Variants in LPIN1 observed in about 807,000 individuals in gnomAD.
LPIN1 encodes the protein phosphatidate phosphatase LPIN1.
A neutral mutation model predicts 107.5 loss-of-function variants in LPIN1; 71 were observed. The ratio of observed to expected loss-of-function variants is 0.66; its 90% CI spans 0.55 to 0.80. The LOEUF (loss-of-function observed/expected upper bound fraction) is 0.80, where lower values mean the gene tolerates loss of function less well. Ranked by LOEUF, LPIN1 falls within the 30% of genes least tolerant of loss-of-function variation. LPIN1 has a pLI of 0.00. For missense variants in LPIN1, 1,043 were observed against 1,160.6 expected, an observed-to-expected ratio of 0.90 and a Z score of 1.47; for synonymous variants, 445 against 452.6, an observed-to-expected ratio of 0.98 and a Z score of 0.21.
chr2:11,706,960 C>A (rs187522364), intron 1 of LPIN1, among the ~76,000 whole-genome samples: 167 of 152,254 alleles, frequency 1.1e-3, no homozygotes, highest in African/African-American at 3.8e-3. Context: ...AGAGCTCTTC[C>A]TCCCAGTTCT....
chr2:11,776,995 G>A (rs1019749872), intron 6 of LPIN1, among the ~76,000 whole-genome samples: 8 of 152,214 alleles, frequency 5.3e-5, no homozygotes, highest in African/African-American at 1.9e-4. Flanking sequence ...GTTGTTAATA[G>A]TTAAAACTAA....
chr2:11,746,841 A>G (rs1373495960), intron 1 of LPIN1, among the ~76,000 whole-genome samples, 170 bp downstream of exon 1: 1 of 146,228 alleles, frequency 6.8e-6, no homozygotes, highest in Non-Finnish European at 1.5e-5. Context: ...CTCTACGGGA[A>G]GTGGTTCGGG....
intron 1 of LPIN1, among the ~76,000 whole-genome samples, chr2:11,728,538 C>T (rs1377734984): frequency 6.6e-6 from 1 of 152,066 alleles, no homozygotes; most frequent in Non-Finnish European, 1.5e-5. Flanking sequence ...ATGCATGCCA[C>T]CCCACCCAGC....
intron 3 of LPIN1, 68 bp downstream of exon 3, chr2:11,767,926 AC>A: frequency 9.8e-7 from 1 of 1,015,744 alleles, no homozygotes; most frequent in Non-Finnish European, 1.6e-6. Flanking sequence ...ATCTGGAAAC[AC>A]GGCAGAAGTT....
Position 11,819,178 on chromosome 2 carries a change from C to T in LPIN1, c.2403-306C>T, listed in dbSNP as rs115903584. On this transcript the variant is annotated intron_variant, in intron 18 of 20. Coordinates refer to ENST00000674199, the MANE Select transcript of LPIN1 (RefSeq NM_001349206.2). ...GTTTTGTTTTTAAGGTTATGCTAGC[C>T]TCATCGAATTAATTTGGAGATGTTC... 2,197 of 347,276 alleles carry T rather than the reference C, an allele frequency of 6.3e-3. 57 individuals are homozygous for T. The highest frequency in any genetic ancestry group is 0.043 in the African/African-American group (2,021 of 46,812). The allele number at this position is 347,276 out of a possible 1,614,324, so 21.5% of individuals were successfully genotyped here.
intron 2 of LPIN1, among the ~76,000 whole-genome samples, chr2:11,714,369 G>T (rs181160637): frequency 1.3e-5 from 2 of 152,102 alleles, no homozygotes; most frequent in Non-Finnish European, 2.9e-5. Flanking sequence ...GTCTGCCCCC[G>T]AGGCTGTCTT....
intron 1 of LPIN1, among the ~76,000 whole-genome samples, chr2:11,735,113 G>T (rs1018732062): frequency 6.6e-6 from 1 of 151,990 alleles, no homozygotes; most frequent in African/African-American, 2.4e-5. Flanking sequence ...CCAACACGGT[G>T]AAACCCCGTC....
chr2:11,691,086 T>TTTG, intron 1 of LPIN1, among the ~76,000 whole-genome samples: 1 of 149,476 alleles, frequency 6.7e-6, no homozygotes, highest in African/African-American at 2.5e-5. Context: ...TTGTTGTGGT[T>TTTG]TTTTTTTTTT....
intron 2 of LPIN1, among the ~76,000 whole-genome samples, chr2:11,766,858 G>C (rs1227043660): frequency 6.6e-6 from 1 of 152,176 alleles, no homozygotes; most frequent in Non-Finnish European, 1.5e-5. Context: ...GCTGGTTTCT[G>C]TTTGGCCCTT....
chr2:11,680,485 G>T (rs960467613), intron 1 of LPIN1, among the ~76,000 whole-genome samples: 2 of 152,134 alleles, frequency 1.3e-5, no homozygotes, highest in African/African-American at 4.8e-5. Flanking sequence ...GGAGGTCAAG[G>T]TGGAATGGGA....
At chr2:11,740,145 C>A (rs1028705344) in intron 1 of LPIN1, among the ~76,000 whole-genome samples, 1 of 152,130 alleles carries the variant, frequency 6.6e-6, no homozygotes, top group Non-Finnish European at 1.5e-5. Flanking sequence ...GATGTCCAAG[C>A]GCGGGAGAAG....
intron 2 of LPIN1, among the ~76,000 whole-genome samples, chr2:11,766,846 G>A (rs1297822329): frequency 6.6e-6 from 1 of 152,202 alleles, no homozygotes; most frequent in Non-Finnish European, 1.5e-5. Flanking sequence ...TCTTTTGAAA[G>A]GGCTGGTTTC....
chr2:11,740,303 C>G (rs557453968), intron 1 of LPIN1, among the ~76,000 whole-genome samples: 1 of 152,114 alleles, frequency 6.6e-6, no homozygotes, highest in Non-Finnish European at 1.5e-5. Context: ...ATCCAAATGC[C>G]AACCTCTACC....
intron 1 of LPIN1, among the ~76,000 whole-genome samples, chr2:11,760,613 T>A (rs946007227): frequency 4.0e-5 from 6 of 151,332 alleles, no homozygotes; most frequent in African/African-American, 1.5e-4. Flanking sequence ...GAGGTTGCAG[T>A]GAGCCGAGAT....
At chr2:11,759,959 C>T (rs1389942826) in intron 1 of LPIN1, among the ~76,000 whole-genome samples, 7 of 151,972 alleles carry the variant, frequency 4.6e-5, no homozygotes, top group African/African-American at 1.5e-4. Context: ...CCTCACTTCT[C>T]AGACGGGGTG....
At chr2:11,713,117 T>C (rs576338655) in intron 1 of LPIN1, among the ~76,000 whole-genome samples, 7 of 152,232 alleles carry the variant, frequency 4.6e-5, no homozygotes, top group Non-Finnish European at 8.8e-5. Flanking sequence ...CATTTTCTCA[T>C]GCAGCCTGAC....
chr2:11,680,299 C>G (rs989484551), intron 1 of LPIN1, among the ~76,000 whole-genome samples: 2 of 152,188 alleles, frequency 1.3e-5, no homozygotes, highest in African/African-American at 4.8e-5. Flanking sequence ...CTCGGAGGCA[C>G]CTGCTAAGTT....
chr2:11,811,674 A>G (rs893640580), intron 17 of LPIN1, among the ~76,000 whole-genome samples: 9 of 152,232 alleles, frequency 5.9e-5, no homozygotes, highest in Non-Finnish European at 1.2e-4. Context: ...AGATGGCTAA[A>G]ATACAAAGAT....
chr2:11,811,186 G>A (rs1679581085), intron 17 of LPIN1, among the ~76,000 whole-genome samples: 1 of 152,198 alleles, frequency 6.6e-6, no homozygotes, highest in Admixed American at 6.5e-5. Context: ...GCCTGGCATA[G>A]GAGTGCTCAG....
Sources: allele counts gnomAD v4.1 joint callset (sites outside exome capture counted in the v4.1 genomes callset), GRCh38; gene constraint gnomAD v4.1.1; transcripts MANE v1.5; gene names NCBI Gene and HGNC (gene_info 2026-07-23, HGNC 2026-07-21).